OARD1: variants seen among roughly 807,000 people sequenced by gnomAD.
The protein encoded by OARD1 is ADP-ribose glycohydrolase OARD1.
A neutral mutation model predicts 19.7 loss-of-function variants in OARD1; 19 were observed. The ratio of observed to expected loss-of-function variants is 0.96; its 90% CI spans 0.67 to 1.41. OARD1 has a LOEUF of 1.41. Among genes scored for constraint, OARD1 ranks in the 40% most tolerant of loss-of-function variants. The pLI is 0.00. For missense variants in OARD1, 190 were observed against 183.8 expected (o/e 1.03, Z -0.20); for synonymous variants, 70 against 61.8 (o/e 1.13, Z -0.62).
intron 5 of OARD1, 29 bp from the exon 6 acceptor site, chr6:41,067,466 G>A (rs777723136): frequency 6.9e-7 from 1 of 1,450,708 alleles, no homozygotes; most frequent in South Asian, 1.1e-5. Flanking sequence ...CTCCATTGAT[G>A]GTAACGAAAG....
upstream of OARD1, among the ~76,000 whole-genome samples, chr6:41,076,355 A>T (rs1763733169): frequency 1.3e-5 from 2 of 152,232 alleles, no homozygotes; most frequent in African/African-American, 4.8e-5. Context: ...GTGTGCACTG[A>T]GTTGTGATAA....
chr6:41,072,169 C>T (rs1280239929), intron 1 of OARD1, 67 bp downstream of exon 1: 4 of 155,012 alleles, frequency 2.6e-5, no homozygotes, highest in East Asian at 1.9e-4. Flanking sequence ...GTTCACCCCC[C>T]ACTTTTTTGG....
At chr6:41,086,745 G>T (rs1451076089) in intron 1 of OARD1, among the ~76,000 whole-genome samples, 1 of 152,112 alleles carries the variant, frequency 6.6e-6, no homozygotes, top group Non-Finnish European at 1.5e-5. Context: ...ATAGATAGAA[G>T]AATATTGGAA....
At chr6:41,070,710 T>C (rs954741739) in intron 3 of OARD1, 5 of 302,030 alleles carry the variant, frequency 1.7e-5, no homozygotes, top group African/African-American at 1.1e-4. Flanking sequence ...TTGCAGAAGC[T>C]TTACATAGGA....
At chr6:41,086,084 GCTATATC>G (rs1764035702) in intron 1 of OARD1, among the ~76,000 whole-genome samples, 3 of 152,082 alleles carry the variant, frequency 2.0e-5, no homozygotes, top group Admixed American at 6.5e-5. Flanking sequence ...ATTCCCTATT[GCTATATC>G]CTTTCTGTTC....
chr6:41,093,571 A>G (rs570186024), intron 1 of OARD1, among the ~76,000 whole-genome samples: 1 of 152,054 alleles, frequency 6.6e-6, no homozygotes, highest in Admixed American at 6.5e-5. Context: ...TCCATGTTCA[A>G]GTGATTCTCC....
At chr6:41,084,832 C>T (rs1478063714) in intron 1 of OARD1, among the ~76,000 whole-genome samples, 5 of 152,058 alleles carry the variant, frequency 3.3e-5, no homozygotes, top group Non-Finnish European at 2.9e-5. Flanking sequence ...CGTGGTGGCA[C>T]GCACCTGTAA....
rs769836694 is a variant in OARD1 at position 41,091,448 on chromosome 6, A to G, written c.-42+6265T>C. ...CAGGATCGGTGAGTGTATACCAGAT[A>G]GAAGAGGGACTAACTATGTTCCCTT... On this transcript the variant is annotated intron_variant, in intron 1 of 4. Transcript: ENST00000480585. 2.1e-5 allele frequency: 30 copies of G among 1,422,344 alleles called. 1 individual carries two copies. Among genetic ancestry groups the G allele is most frequent in the Non-Finnish European group, 2.9e-5 (30 of 1,039,370 alleles). The allele number at this position is 1,422,344 out of a possible 1,614,324, so 88.1% of individuals were successfully genotyped here.
chr6:41,069,752 T>C, intron 4 of OARD1: 1 of 326,910 alleles, frequency 3.1e-6, no homozygotes, highest in Non-Finnish European at 5.7e-6. Context: ...TGAGACATTA[T>C]TGTTTTTATC....
intron 4 of OARD1, 133 bp downstream of exon 4, chr6:41,069,943 C>CT (rs1763238425): frequency 9.3e-6 from 7 of 751,730 alleles, no homozygotes; most frequent in Admixed American, 3.9e-5. Context: ...AGATAGGAAG[C>CT]TTTTTGACAT....
intron 1 of OARD1, among the ~76,000 whole-genome samples, chr6:41,095,009 C>T (rs537880282): frequency 6.6e-6 from 1 of 152,292 alleles, no homozygotes; most frequent in African/African-American, 2.4e-5. Flanking sequence ...TGAGCCTGGT[C>T]TAATCCTCTC....
intron 4 of OARD1, chr6:41,069,225 T>C (rs554553522): frequency 1.6e-5 from 4 of 244,066 alleles, no homozygotes; most frequent in Non-Finnish European, 2.3e-5. Context: ...ATGATGCCTA[T>C]TGTCAATATT....
chr6:41,067,455 T>G lies in OARD1; in HGVS notation c.357-18A>C. ...ATCCAATCCTGAAAAAGACAAAATA[T>G]CTCCATTGATGGTAACGAAAGTATC... On this transcript the variant is annotated intron_variant, in intron 5 of 5. Transcript: ENST00000424266. The G allele has an allele frequency of 6.5e-7, 1 of 1,532,268 alleles. No homozygotes were observed. The highest frequency in any genetic ancestry group is 1.4e-5 in the African/African-American group (1 of 73,478). 94.9% of individuals were successfully genotyped at this position (1,532,268 alleles called of 1,614,324 possible).
In OARD1 at chr6:41,066,481, CACTGATT is replaced by C. The variant is rs1299037825; in HGVS notation, c.*847_*853del. ...AAGACTCATAAGGATTTTTGACAATCACTGATTTATTGGGTCACTAGTCTGTGCTAAG... is the reference window on the plus strand; with the variant it reads ...AAGACTCATAAGGATTTTTGACAATCTATTGGGTCACTAGTCTGTGCTAAG... On this transcript the variant is annotated 3_prime_UTR_variant, in exon 6 of 6. Transcript: ENST00000424266. 2.0e-5 allele frequency: 3 copies of C among 152,074 alleles called. No homozygotes were observed. The highest frequency in any genetic ancestry group is 6.6e-5 in the Admixed American group (1 of 15,266). 9.4% of individuals were successfully genotyped at this position (152,074 alleles called of 1,614,324 possible). A position where few individuals can be genotyped will look rare whatever the true frequency, so the allele number is the denominator to read the frequency against.
At chr6:41,077,249 C>A (rs780106110), upstream of OARD1, among the ~76,000 whole-genome samples, 6 of 152,084 alleles carry the variant, frequency 3.9e-5, no homozygotes, top group Non-Finnish European at 5.9e-5. Context: ...ACTTTAGAAA[C>A]AAAGTATAAT....
At position 41,065,074 on chromosome 6, in the gene OARD1, T is replaced by A. The variant is rs1230615196; in HGVS notation, c.*2261A>T. The A allele has an allele frequency of 6.6e-6, 1 of 152,168 alleles. No individual in the cohort carries two copies. Among genetic ancestry groups the A allele is most frequent in the Admixed American group, 6.6e-5 (1 of 15,264 alleles). 9.4% of individuals were successfully genotyped at this position (152,168 alleles called of 1,614,324 possible). Reference sequence around the variant, plus strand: ...CTCAGGCTTCAAGTGTGATAAGTCGTCGGAATTTGACCCAAGACTACTATC... The same window carrying A: ...CTCAGGCTTCAAGTGTGATAAGTCGACGGAATTTGACCCAAGACTACTATC... On this transcript the variant is annotated 3_prime_UTR_variant, in exon 6 of 6. Transcript: ENST00000424266.
chr6:41,089,094 C>T (rs1017408436), intron 1 of OARD1, among the ~76,000 whole-genome samples: 7 of 152,118 alleles, frequency 4.6e-5, no homozygotes, highest in Non-Finnish European at 7.4e-5. Context: ...AGTGATTTTC[C>T]GGCCTCAGTC....
At chr6:41,068,476 A>G (rs909803421) in intron 5 of OARD1, among the ~76,000 whole-genome samples, 2 of 152,248 alleles carry the variant, frequency 1.3e-5, no homozygotes, top group Admixed American at 1.3e-4. Flanking sequence ...CAAGAGGAAA[A>G]CCACCATTGC....
At chr6:41,070,766 G>GTGTA in intron 3 of OARD1, 1 of 436,182 alleles carries the variant, frequency 2.3e-6, no homozygotes, top group Admixed American at 4.1e-5. Context: ...GAAAGTGATG[G>GTGTA]GAGGGGTCTG....
Sources: gnomAD v4.1 joint callset for allele counts (sites outside exome capture counted in the v4.1 genomes callset) on GRCh38, gnomAD v4.1.1 for gene constraint, MANE v1.5 for transcripts, NCBI Gene and HGNC (gene_info 2026-07-23, HGNC 2026-07-21) for gene names.